The following SGIP1 variants were observed in gnomAD, a reference collection of about 807,000 sequenced individuals.
SGIP1 encodes SH3GL interacting endocytic adaptor 1, also known as SH3-containing GRB2-like protein 3-interacting protein 1.
A neutral mutation model predicts 107.5 loss-of-function variants in SGIP1; 38 were observed. The observed-to-expected ratio is 0.35, with a 90% CI of 0.27 to 0.46. SGIP1 has a LOEUF of 0.46. Among genes scored for constraint, SGIP1 ranks in the 20% least tolerant of loss-of-function variants. The probability of loss-of-function intolerance (pLI) is 1.00; values close to 1 mark genes in which losing one functional copy is unlikely to be tolerated. For missense variants in SGIP1, 929 were observed against 1,019.5 expected, an observed-to-expected ratio of 0.91 and a Z score of 1.21; for synonymous variants, 365 against 366.1, an observed-to-expected ratio of 1.00 and a Z score of 0.03.
intron 7 of SGIP1, among the ~76,000 whole-genome samples, chr1:66,651,509 A>G (rs1158087370): frequency 6.6e-6 from 1 of 152,138 alleles, no homozygotes; most frequent in African/African-American, 2.4e-5. Flanking sequence ...AAAGTTCACT[A>G]GCTCATTCAA....
intron 7 of SGIP1, among the ~76,000 whole-genome samples, chr1:66,658,725 G>A (rs987061046): frequency 6.6e-6 from 1 of 152,180 alleles, no homozygotes; most frequent in Non-Finnish European, 1.5e-5. Context: ...TTGCAGAAAT[G>A]TACTAGCAAT....
chr1:66,630,883 GAAAGAAA>G (rs2074281213), intron 2 of SGIP1, among the ~76,000 whole-genome samples: 2 of 48,352 alleles, frequency 4.1e-5, no homozygotes, highest in Non-Finnish European at 6.9e-5. Context: ...AAGAAAGAAA[GAAAGAAA>G]GAAAGAAAGA....
At chr1:66,740,767 A>G (rs923170814) in intron 23 of SGIP1, 45 bp downstream of exon 23, 1 of 1,358,392 alleles carries the variant, frequency 7.4e-7, no homozygotes, top group African/African-American at 1.4e-5. Context: ...TAAAGCTAAA[A>G]TGGCTTTAGG....
Position 66,689,225 on chromosome 1 carries a change from C to A in SGIP1, c.1393C>A (p.Pro465Thr), listed in dbSNP as rs758164085. ...CACTCCACCTCCACCTCCTCCCCGG[C>A]CTCCATCCCGGCCAAAGCTACCTCC... ...STTPPPPPPR[P>T]PSRPKLPPGK... Residue 465 changes from proline (P) to threonine (T), a missense_variant, in exon 16 of 25, where the codon CCT (proline) becomes ACT (threonine). Physicochemically the swap from Pro to Thr is conservative, Grantham distance 38 (BLOSUM62 -1). Transcript: ENST00000371037. 3 of 1,613,930 alleles carry A rather than the reference C, an allele frequency of 1.9e-6. No individual in the cohort carries two copies. In the South Asian group the frequency reaches 3.3e-5, roughly 18 times the overall value.
intron 1 of SGIP1, among the ~76,000 whole-genome samples, chr1:66,579,223 T>C (rs2061488372): frequency 6.6e-6 from 1 of 152,186 alleles, no homozygotes; most frequent in Non-Finnish European, 1.5e-5. Context: ...TATCCTACCA[T>C]GTCAGTACCC....
In SGIP1 at chr1:66,724,259, A is replaced by G. The variant is rs138310175; in HGVS notation, c.1742+4854A>G. 1.4e-3 allele frequency among the ~76,000 whole-genome samples: 215 copies of G among 152,274 alleles called. 1 individual carries two copies. The highest frequency in any genetic ancestry group is 5.0e-3 in the African/African-American group (206 of 41,560). ...TTGAAGTTTTGCCATTTTTTGACAAATGTTTCATTTGTGAGGATTCACATG... is the reference window on the plus strand; with the variant it reads ...TTGAAGTTTTGCCATTTTTTGACAAGTGTTTCATTTGTGAGGATTCACATG... On this transcript the variant is annotated intron_variant, in intron 19 of 24. Transcript: ENST00000371037.
intron 21 of SGIP1, among the ~76,000 whole-genome samples, chr1:66,737,310 A>C (rs190340959): frequency 1.0e-3 from 156 of 152,304 alleles, no homozygotes; most frequent in Admixed American, 1.6e-3. Flanking sequence ...TAAATCCTAT[A>C]GAGTTTTTTT....
chr1:66,549,153 TCCTTCCTTC>T, intron 1 of SGIP1, among the ~76,000 whole-genome samples: 1 of 138,906 alleles, frequency 7.2e-6, no homozygotes, highest in Non-Finnish European at 1.5e-5. Context: ...CTTCCTTCCT[TCCTTCCTTC>T]CTTCCTTCCT....
chr1:66,709,574 C>G (rs2092771269), intron 18 of SGIP1, among the ~76,000 whole-genome samples: 1 of 152,118 alleles, frequency 6.6e-6, no homozygotes, highest in African/African-American at 2.4e-5. Flanking sequence ...AAGACAGTAC[C>G]TAGCTCATAG....
At chr1:66,597,816 T>C (rs1371219549) in intron 1 of SGIP1, among the ~76,000 whole-genome samples, 1 of 152,208 alleles carries the variant, frequency 6.6e-6, no homozygotes, top group Non-Finnish European at 1.5e-5. Flanking sequence ...TTTGTTTCCT[T>C]TCCCAGTTTC....
In SGIP1 at chr1:66,733,774, C is replaced by G; in HGVS notation, c.1925C>G (p.Thr642Ser). The change falls in exon 21 of 25, where the codon ACC becomes AGC. Residue 642 changes from threonine to serine, a missense_variant. By Grantham distance (58) the Thr-to-Ser change is moderately conservative. Transcript: ENST00000371037. Reference sequence around the variant, plus strand: ...GATAATACACAAAATGATGCCAATACCAAGGAATTCTGGGTAAACATGCCA... The same window carrying G: ...GATAATACACAAAATGATGCCAATAGCAAGGAATTCTGGGTAAACATGCCA... Reference protein sequence around the residue: ...CCDNTQNDANTKEFWVNMPNL... With the variant: ...CCDNTQNDANSKEFWVNMPNL... 6.2e-7 allele frequency: 1 copy of G among 1,613,022 alleles called. No individual in the cohort carries two copies. Among genetic ancestry groups the G allele is most frequent in the Non-Finnish European group, 8.5e-7 (1 of 1,179,442 alleles).
intron 1 of SGIP1, among the ~76,000 whole-genome samples, chr1:66,561,920 A>T (rs2059005613): frequency 6.6e-6 from 1 of 152,078 alleles, no homozygotes; most frequent in Non-Finnish European, 1.5e-5. Context: ...AGACCAGTTA[A>T]AATACACCAG....
At chr1:66,534,478 A>G (rs938149499) in intron 1 of SGIP1, 110 bp downstream of exon 1, 16 of 1,271,458 alleles carry the variant, frequency 1.3e-5, no homozygotes, top group African/African-American at 1.5e-5. Flanking sequence ...CTGGTTGCCA[A>G]TGTTTTGCAA....
intron 4 of SGIP1, among the ~76,000 whole-genome samples, chr1:66,636,319 C>A (rs996186151): frequency 6.6e-6 from 1 of 152,154 alleles, no homozygotes; most frequent in Non-Finnish European, 1.5e-5. Context: ...TATAAAGAAG[C>A]CTTTGGCTAT....
At chr1:66,688,057 A>G (rs750840987) in intron 15 of SGIP1, among the ~76,000 whole-genome samples, 2 of 152,128 alleles carry the variant, frequency 1.3e-5, no homozygotes, top group Non-Finnish European at 2.9e-5. Flanking sequence ...TGCTGATATA[A>G]AAACTCTCCA....
intron 19 of SGIP1, 67 bp from the exon 20 acceptor site, chr1:66,729,197 G>A (rs2093898388): frequency 1.9e-6 from 3 of 1,565,714 alleles, no homozygotes; most frequent in South Asian, 2.3e-5. Flanking sequence ...GTTTTTCACA[G>A]CAGTTTTGAT....
chr1:66,557,018 G>A (rs561053819), intron 1 of SGIP1, among the ~76,000 whole-genome samples: 3 of 151,994 alleles, frequency 2.0e-5, no homozygotes, highest in Non-Finnish European at 2.9e-5. Context: ...TGTACAATGC[G>A]CTTTAGGATC....
chr1:66,595,676 C>A (rs1307356241), intron 1 of SGIP1, among the ~76,000 whole-genome samples: 1 of 152,002 alleles, frequency 6.6e-6, no homozygotes, highest in Non-Finnish European at 1.5e-5. Context: ...ATAAAATGTG[C>A]ATTAAGAGTG....
At chr1:66,610,564 G>A (rs962417217) in intron 1 of SGIP1, among the ~76,000 whole-genome samples, 6 of 152,116 alleles carry the variant, frequency 3.9e-5, no homozygotes, top group African/African-American at 1.4e-4. Flanking sequence ...TAATCCTTCA[G>A]TGGAAACTGA....
Sources: allele counts gnomAD v4.1 joint callset (sites outside exome capture counted in the v4.1 genomes callset), GRCh38; gene constraint gnomAD v4.1.1; transcripts MANE v1.5; gene names NCBI Gene and HGNC (gene_info 2026-07-23, HGNC 2026-07-21).